The following GPHN variants were observed in gnomAD, a reference collection of about 807,000 sequenced individuals.
GPHN encodes gephyrin.
A neutral mutation model predicts 95.5 loss-of-function variants in GPHN; 17 were observed. The ratio of observed to expected loss-of-function variants is 0.18; its 90% CI spans 0.12 to 0.27. GPHN has a LOEUF of 0.27. GPHN is among the 10% of genes least tolerant of loss of function. The pLI, the probability that GPHN is intolerant of heterozygous loss-of-function variation, is 1.00. For synonymous variants in GPHN, 320 were observed against 322.5 expected (o/e 0.99, Z 0.08); for missense variants, 660 against 978.1 (o/e 0.67, Z 4.34).
the GPHN span, among the ~76,000 whole-genome samples, chr14:67,307,706 T>C: frequency 6.6e-6 from 1 of 152,196 alleles, no homozygotes; most frequent in African/African-American, 2.4e-5. Flanking sequence ...TTTCCTTGAC[T>C]CACTTTCACT....
In GPHN at chr14:66,579,273, T is replaced by A. The variant is rs991064468; in HGVS notation, c.64+70682T>A. ...TCATTAAATTACAAAGGAAGACAGG[T>A]AGAGTGGAAGAAAGGAACAAAAAAT... On this transcript the variant is annotated intron_variant, in intron 1 of 22. Coordinates refer to ENST00000478722, the MANE Select transcript of GPHN (RefSeq NM_020806.5). 5.3e-5 allele frequency among the ~76,000 whole-genome samples: 8 copies of A among 151,672 alleles called. 1 individual carries two copies. Among genetic ancestry groups the A allele is most frequent in the South Asian group, 2.1e-4 (1 of 4,808 alleles).
chr14:67,643,223 C>T, the GPHN span, among the ~76,000 whole-genome samples: 1 of 152,196 alleles, frequency 6.6e-6, no homozygotes, highest in African/African-American at 2.4e-5. Flanking sequence ...ATTTTCTCAG[C>T]AGTGCTAGAG....
rs1250579426 is a variant in GPHN, at chr14:67,027,139, G to A, written c.1006+3464G>A. Among the ~76,000 whole-genome samples the A allele has an allele frequency of 3.3e-5, 5 of 152,128 alleles. No homozygotes were observed. The East Asian group carries it at 7.7e-4, about 23-fold the overall frequency. On this transcript the variant is annotated intron_variant, in intron 10 of 22. Coordinates refer to ENST00000478722, the MANE Select transcript of GPHN (RefSeq NM_020806.5). ...TTGTTTTATTACCACGTGTTATCAG[G>A]ATGATATGACACTATTGTCTTCTGT...
At chr14:67,253,964 T>G in the GPHN span, among the ~76,000 whole-genome samples, 1,809 of 146,494 alleles carry the variant, frequency 0.012, 20 homozygotes, top group Non-Finnish European at 0.019. Context: ...TTTTGTTTTG[T>G]TTTTTTTTTT....
chr14:66,990,851 TAATA>T (rs1308563062), intron 9 of GPHN, among the ~76,000 whole-genome samples: 4 of 151,620 alleles, frequency 2.6e-5, no homozygotes, highest in East Asian at 3.9e-4. Context: ...TTTAATTTGC[TAATA>T]AATAAAAATT....
intron 9 of GPHN, among the ~76,000 whole-genome samples, chr14:67,012,950 A>T (rs1308661346): frequency 2.0e-5 from 3 of 151,998 alleles, no homozygotes; most frequent in African/African-American, 7.2e-5. Flanking sequence ...TATAGCACTA[A>T]CCACTTTCTG....
At position 66,880,049 on chromosome 14, in the gene GPHN, A is replaced by G. The variant is rs1265702102; in HGVS notation, c.389+16A>G. On this transcript the variant is annotated intron_variant, in intron 5 of 22. Coordinates refer to ENST00000478722, the MANE Select transcript of GPHN (RefSeq NM_020806.5). The stretch of plus-strand genomic sequence containing the variant: ...TGCTCTCTAGGTAAGAAAGTCACCA[A>G]CATGTTGCAAACCATTTGCTAGGTG... 2.0e-6 allele frequency: 3 copies of G among 1,472,198 alleles called. No individual in the cohort carries two copies. Among genetic ancestry groups the G allele is most frequent in the African/African-American group, 2.8e-5 (2 of 72,316 alleles). The allele number at this position is 1,472,198 out of a possible 1,614,324, so 91.2% of individuals were successfully genotyped here.
the GPHN span, among the ~76,000 whole-genome samples, chr14:67,639,707 G>A: frequency 5.9e-5 from 9 of 152,166 alleles, no homozygotes; most frequent in Non-Finnish European, 8.8e-5. Flanking sequence ...GATCACTTGC[G>A]GTCAGGAGTT....
chr14:67,528,359 T>C, the GPHN span, among the ~76,000 whole-genome samples: 1 of 152,176 alleles, frequency 6.6e-6, no homozygotes, highest in Non-Finnish European at 1.5e-5. Context: ...CTGACAGGCC[T>C]GGGTTTCCTT....
intron 22 of GPHN, among the ~76,000 whole-genome samples, chr14:67,180,557 T>A (rs941697419): frequency 6.6e-6 from 1 of 152,214 alleles, no homozygotes; most frequent in African/African-American, 2.4e-5. Flanking sequence ...GCATTTTGCA[T>A]AATGCTATAA....
intron 2 of GPHN, among the ~76,000 whole-genome samples, chr14:66,762,558 TAAAAA>T (rs11323905): frequency 7.0e-6 from 1 of 143,328 alleles, no homozygotes. Flanking sequence ...TGTCACATAG[TAAAAA>T]AAAAAAAAAA....
chr14:67,302,272 T>C, the GPHN span: 1 of 1,047,428 alleles, frequency 9.5e-7, no homozygotes, highest in South Asian at 2.9e-5. Flanking sequence ...TTACAATTAC[T>C]CTAGTTGTGT....
At chr14:67,647,205 A>T in the GPHN span, 1 of 510,324 alleles carries the variant, frequency 2.0e-6, no homozygotes, top group East Asian at 3.1e-5. Flanking sequence ...GGTTTTTGGG[A>T]GGAGGTTTCC....
chr14:66,870,312 T>C (rs1207295871), intron 4 of GPHN, among the ~76,000 whole-genome samples: 5 of 152,174 alleles, frequency 3.3e-5, no homozygotes, highest in African/African-American at 4.8e-5. Context: ...CACCATGATA[T>C]ATTTTTTCTT....
In GPHN at chr14:66,653,085, G is replaced by T. The variant is rs140046654; in HGVS notation, c.65-28022G>T. On this transcript the variant is annotated intron_variant, in intron 1 of 22. Coordinates refer to ENST00000478722, the MANE Select transcript of GPHN (RefSeq NM_020806.5). ...TTCACTTACACCTTTCTTAGGAACT[G>T]TTGAGGGCTGGGAGCTGGTCCTGGT... Among the ~76,000 whole-genome samples, 537 of 152,250 alleles carry T rather than the reference G, an allele frequency of 3.5e-3. 9 individuals are homozygous for T. Among genetic ancestry groups the T allele is most frequent in the Admixed American group, 6.7e-3 (103 of 15,302 alleles).
the GPHN span, chr14:67,659,607 G>A: frequency 1.3e-4 from 125 of 994,648 alleles, 2 homozygotes; most frequent in South Asian, 2.2e-3. Context: ...GAGGATAAGG[G>A]TGAAAAAAAT....
the GPHN span, among the ~76,000 whole-genome samples, chr14:67,640,497 C>T: frequency 6.6e-6 from 1 of 152,136 alleles, no homozygotes; most frequent in African/African-American, 2.4e-5. Flanking sequence ...TATATTTCTT[C>T]AGAATTTTGG....
At chr14:66,563,489 T>G (rs191186626) in intron 1 of GPHN, among the ~76,000 whole-genome samples, 47 of 152,318 alleles carry the variant, frequency 3.1e-4, no homozygotes, top group Admixed American at 1.6e-3. Flanking sequence ...TGGGGCTGGT[T>G]TTATGCTCAT....
At chr14:67,163,399 C>T (rs1182549778) in intron 19 of GPHN, among the ~76,000 whole-genome samples, 1 of 151,984 alleles carries the variant, frequency 6.6e-6, no homozygotes. Context: ...TTCTCTGGTT[C>T]TCAAACCTAA....
Sources: allele counts gnomAD v4.1 joint callset (sites outside exome capture counted in the v4.1 genomes callset), GRCh38; gene constraint gnomAD v4.1.1; transcripts MANE v1.5; gene names NCBI Gene and HGNC (gene_info 2026-07-23, HGNC 2026-07-21).